The following TRIM5 variants were observed in gnomAD, a reference collection of about 807,000 sequenced individuals.
The protein encoded by TRIM5 is tripartite motif-containing protein 5.
In TRIM5, 31 loss-of-function variants were observed where a neutral mutation model predicts 35.6. That is an observed-to-expected ratio of 0.87 (90% CI 0.65 to 1.18). The LOEUF (loss-of-function observed/expected upper bound fraction) is 1.18, where lower values mean the gene tolerates loss of function less well. Ranked by LOEUF, TRIM5 falls within the 50% of genes most tolerant of loss-of-function variation. TRIM5 has a pLI of 0.00. For synonymous variants in TRIM5, 243 were observed against 215.6 expected (o/e 1.13, Z -1.11); for missense variants, 609 against 591.6 (o/e 1.03, Z -0.31).
chr11:5,629,836 T>C, the TRIM5 span, among the ~76,000 whole-genome samples: 2 of 152,070 alleles, frequency 1.3e-5, no homozygotes, highest in Admixed American at 6.5e-5. Context: ...GCCTCCCGAG[T>C]AGCTGGGACT....
intron 5 of TRIM5, among the ~76,000 whole-genome samples, chr11:5,666,466 T>A (rs906611110): frequency 1.3e-5 from 2 of 151,962 alleles, no homozygotes; most frequent in African/African-American, 4.8e-5. Flanking sequence ...GGTGGAAACA[T>A]CATCGCTATG....
Position 5,679,751 on chromosome 11 carries a change from A to T in TRIM5, c.417+10T>A. The T allele has an allele frequency of 6.4e-7, 1 of 1,560,472 alleles. No homozygotes were observed. ...TTCTGCCCTCTCTTCCTTCCATCCCAGTCTCTTACTTGGTACTCCCGGGCA... is the reference window on the plus strand; with the variant it reads ...TTCTGCCCTCTCTTCCTTCCATCCCTGTCTCTTACTTGGTACTCCCGGGCA... On this transcript the variant is annotated intron_variant, in intron 2 of 7. Transcript: ENST00000380034.
the TRIM5 span, among the ~76,000 whole-genome samples, chr11:5,652,575 G>C: frequency 6.6e-6 from 1 of 152,134 alleles, no homozygotes; most frequent in Non-Finnish European, 1.5e-5. Context: ...TAGCTTTGTA[G>C]TATGGTTTGA....
chr11:5,657,632 T>G, the TRIM5 span, among the ~76,000 whole-genome samples: 1 of 126,676 alleles, frequency 7.9e-6, no homozygotes, highest in Non-Finnish European at 1.6e-5. Context: ...TAATGCATTA[T>G]ATATATTATT....
the TRIM5 span, among the ~76,000 whole-genome samples, chr11:5,617,781 C>T: frequency 0.14 from 20,629 of 145,846 alleles, 1,640 homozygotes; most frequent in East Asian, 0.28. Context: ...TGGGCCACCG[C>T]GCATGGCCTG....
rs1852148257 is a variant in TRIM5 at position 5,678,264 on chromosome 11, C to T, written c.684G>A (p.Leu228=). The T allele has an allele frequency of 1.2e-6, 2 of 1,614,014 alleles. No individual in the cohort carries two copies. Among genetic ancestry groups the T allele is most frequent in the Non-Finnish European group, 1.7e-6 (2 of 1,179,990 alleles). The part of the protein sequence containing the change: ...ETEMVQQTQS[L]RELISDLEHR... ...GCTCCAGATCTGAGATGAGCTCTCT[C>T]AGGGACTGGGTCTGCTGCACCATCT... Residue 228 remains leucine, a synonymous_variant, in exon 4 of 8, where the codon CTG becomes CTA. Coordinates refer to ENST00000380034, the MANE Select transcript of TRIM5 (RefSeq NM_033034.3).
the TRIM5 span, chr11:5,610,324 G>A: frequency 1.9e-6 from 3 of 1,599,802 alleles, no homozygotes; most frequent in Admixed American, 3.4e-5. Flanking sequence ...GGCTATAGTC[G>A]GTATTTGAGC....
At chr11:5,636,926 C>G in the TRIM5 span, among the ~76,000 whole-genome samples, 2 of 152,158 alleles carry the variant, frequency 1.3e-5, no homozygotes, top group African/African-American at 4.8e-5. Context: ...GTGGGTGGAT[C>G]ACGAGGTCAG....
the TRIM5 span, among the ~76,000 whole-genome samples, chr11:5,650,462 A>G: frequency 6.6e-6 from 1 of 152,210 alleles, no homozygotes; most frequent in Non-Finnish European, 1.5e-5. Flanking sequence ...TGATACCTTC[A>G]TATCGTACAG....
chr11:5,607,796 G>A, the TRIM5 span, among the ~76,000 whole-genome samples: 12 of 152,280 alleles, frequency 7.9e-5, no homozygotes, highest in East Asian at 2.3e-3. Flanking sequence ...TAAACATCTT[G>A]CATTTGAGGT....
At position 5,683,428 on chromosome 11, in the gene TRIM5, A is replaced by G. The variant is rs553514501; in HGVS notation, c.-62+1440T>C. Among the ~76,000 whole-genome samples, 22 of 152,320 alleles carry G rather than the reference A, an allele frequency of 1.4e-4. No homozygotes were observed. In the East Asian group the frequency reaches 4.2e-3, roughly 29 times the overall value. On this transcript the variant is annotated intron_variant, in intron 1 of 7. Transcript: ENST00000380034. ...TTAGCTAAGGGATTGTAAATGCACCAATCAGCACCCTGTGTCTAGCTCAGG... is the reference window on the plus strand; with the variant it reads ...TTAGCTAAGGGATTGTAAATGCACCGATCAGCACCCTGTGTCTAGCTCAGG...
the TRIM5 span, among the ~76,000 whole-genome samples, chr11:5,657,916 A>G: frequency 1.2e-4 from 18 of 151,012 alleles, no homozygotes; most frequent in African/African-American, 4.4e-4. Context: ...ATGTCTGGCA[A>G]AATCCTTTTA....
the TRIM5 span, among the ~76,000 whole-genome samples, chr11:5,604,034 C>T: frequency 1.1e-4 from 17 of 152,074 alleles, no homozygotes; most frequent in Admixed American, 2.6e-4. Flanking sequence ...CTCGCTCTGT[C>T]GCCCAGGTTG....
At chr11:5,645,903 A>T in the TRIM5 span, 1 of 143,860 alleles carries the variant, frequency 7.0e-6, no homozygotes, top group Non-Finnish European at 1.3e-5. Context: ...ATATCTATAT[A>T]TAGATATATA....
rs753463228 is a variant in TRIM5, at chr11:5,680,178, A to C, written c.-1T>G. 1 of 1,600,440 alleles carries C rather than the reference A, an allele frequency of 6.2e-7. No individual in the cohort carries two copies. The highest frequency in any genetic ancestry group is 8.5e-7 in the Non-Finnish European group (1 of 1,172,502). ...CATTAACCAGGATTCCAGAAGCCATAGTAGCTATTCCACTGCTCCTGCCTG... is the reference window on the plus strand; with the variant it reads ...CATTAACCAGGATTCCAGAAGCCATCGTAGCTATTCCACTGCTCCTGCCTG... On this transcript the variant is annotated 5_prime_UTR_variant, in exon 2 of 8. Coordinates refer to ENST00000380034, the MANE Select transcript of TRIM5 (RefSeq NM_033034.3).
chr11:5,659,625 CTAAGAA>C (rs1564900171), downstream of TRIM5, among the ~76,000 whole-genome samples: 1 of 152,142 alleles, frequency 6.6e-6, no homozygotes, highest in African/African-American at 2.4e-5. Flanking sequence ...GTAAACTGCA[CTAAGAA>C]TAAAACTGTA....
the TRIM5 span, among the ~76,000 whole-genome samples, chr11:5,601,253 A>G: frequency 6.6e-6 from 1 of 152,198 alleles, no homozygotes; most frequent in African/African-American, 2.4e-5. Flanking sequence ...GAGTTTGAGG[A>G]CGAAGCTTTG....
At chr11:5,675,827 A>C (rs1851927791) in intron 4 of TRIM5, among the ~76,000 whole-genome samples, 1 of 113,196 alleles carries the variant, frequency 8.8e-6, no homozygotes, top group African/African-American at 3.3e-5. Context: ...CATTAGGTAT[A>C]TCTCCCAGTG....
At chr11:5,632,658 G>A in the TRIM5 span, 1 of 1,612,894 alleles carries the variant, frequency 6.2e-7, no homozygotes. Flanking sequence ...TCTTCTGTAA[G>A]GAGGATAGGA....
Sources: allele counts gnomAD v4.1 joint callset (sites outside exome capture counted in the v4.1 genomes callset), GRCh38; gene constraint gnomAD v4.1.1; transcripts MANE v1.5; gene names NCBI Gene and HGNC (gene_info 2026-07-23, HGNC 2026-07-21).